Variants in COL1A1 observed in about 807,000 individuals in gnomAD.
COL1A1 encodes the protein collagen alpha-1(I) chain.
Under a neutral mutation model 195.7 loss-of-function variants are expected in COL1A1, and 21 were observed. That is an observed-to-expected ratio of 0.11 (90% CI 0.08 to 0.15). The LOEUF (loss-of-function observed/expected upper bound fraction) is 0.15. Ranked by LOEUF, COL1A1 falls within the 10% of genes least tolerant of loss-of-function variation. COL1A1 has a pLI of 1.00. For missense variants in COL1A1, 1,365 were observed against 2,051.0 expected, an observed-to-expected ratio of 0.67 and a Z score of 6.46; for synonymous variants, 749 against 747.3, an observed-to-expected ratio of 1.00 and a Z score of -0.04.
At chr17:50,200,733 T>C (rs964460712) in intron 1 of COL1A1, among the ~76,000 whole-genome samples, 1 of 152,066 alleles carries the variant, frequency 6.6e-6, no homozygotes, top group Non-Finnish European at 1.5e-5. Context: ...CCCGACTACC[T>C]CTTTAAGAGG....
In COL1A1 at chr17:50,193,947, G is replaced by T. The variant is rs771593907; in HGVS notation, c.1763C>A (p.Ala588Asp). The T allele has an allele frequency of 2.5e-6, 4 of 1,613,878 alleles. No individual in the cohort carries two copies. The highest frequency in any genetic ancestry group is 3.4e-6 in the Non-Finnish European group (4 of 1,179,792). The change falls in exon 25 of 51, where the codon GCT (alanine) becomes GAT (aspartate). Residue 588 changes from alanine (A) to aspartate (D), a missense_variant. Physicochemically the swap from Ala to Asp is moderately radical, Grantham distance 126 (BLOSUM62 -2). Transcript: ENST00000225964. ...GGATCCTCACTTAATACTCACAGCAGCACCTTTAGGTCCAGGGAATCCCAT... is the reference window on the plus strand; with the variant it reads ...GGATCCTCACTTAATACTCACAGCATCACCTTTAGGTCCAGGGAATCCCAT... ...GVMGFPGPKG[A>D]AGEPGKAGER...
rs1906256029 is a variant in COL1A1, at chr17:50,184,266, G to A, written c.*1236C>T. 1 of 231,250 alleles carries A rather than the reference G, an allele frequency of 4.3e-6. No individual in the cohort carries two copies. Among genetic ancestry groups the A allele is most frequent in the South Asian group, 1.8e-4 (1 of 5,522 alleles). The allele number at this position is 231,250 out of a possible 1,614,324, so 14.3% of individuals were successfully genotyped here. On this transcript the variant is annotated 3_prime_UTR_variant, in exon 51 of 51. Transcript: ENST00000225964. ...GTTGTCTCTGAAACCCGGGGACAGA[G>A]GACGCAGGACAGACTAGGAGGGAGC... is the stretch of plus-strand genomic sequence containing the variant.
At chr17:50,199,027 G>GA (rs906186472) in intron 5 of COL1A1, among the ~76,000 whole-genome samples, 199 bp downstream of exon 5, 69 of 150,868 alleles carry the variant, frequency 4.6e-4, no homozygotes, top group Non-Finnish European at 8.0e-4. Context: ...AAACAGTTCA[G>GA]AAAAAAAAAG....
Position 50,189,346 on chromosome 17 carries a change from C to T in COL1A1, c.2829+31G>A, listed in dbSNP as rs751649338. 2.0e-5 allele frequency: 32 copies of T among 1,613,438 alleles called. No individual in the cohort carries two copies. The highest frequency in any genetic ancestry group is 1.0e-4 in the Admixed American group (6 of 59,988). Reference sequence around the variant, plus strand: ...ACCCCTCCCCAGCTCTGCACACCTCCGGAGCTGCAGAGATCTGAGCTGGCA... The same window carrying T: ...ACCCCTCCCCAGCTCTGCACACCTCTGGAGCTGCAGAGATCTGAGCTGGCA... On this transcript the variant is annotated intron_variant, in intron 39 of 50. Transcript: ENST00000225964. The surrounding 1 kb of genome is among the most constrained non-coding windows in gnomAD (Gnocchi z 5.5).
chr17:50,195,745 G>T lies in COL1A1; in HGVS notation c.1057-80C>A. The stretch of plus-strand genomic sequence containing the variant: ...TCTCGGGATGGCAGGAGGAAGGGGA[G>T]ACAGGGACAGGAGAGCAATGATCAG... On this transcript the variant is annotated intron_variant, in intron 16 of 50. Transcript: ENST00000225964. This position sits in a 1 kb window ranked among gnomAD's most constrained non-coding sequence, Gnocchi z 4.3. 1 of 1,434,432 alleles carries T rather than the reference G, an allele frequency of 7.0e-7. No individual in the cohort carries two copies. The highest frequency in any genetic ancestry group is 9.7e-7 in the Non-Finnish European group (1 of 1,031,550). The allele number at this position is 1,434,432 out of a possible 1,614,324, so 88.9% of individuals were successfully genotyped here.
intron 31 of COL1A1, 24 bp downstream of exon 31, chr17:50,191,764 G>A (rs1454049094): frequency 6.4e-6 from 10 of 1,558,074 alleles, no homozygotes; most frequent in Middle Eastern, 1.7e-4. Flanking sequence ...CCACTTGCCA[G>A]AGCCCCTTCC....
Position 50,189,600 on chromosome 17 carries a change from A to G in COL1A1, c.2668-62T>C. On this transcript the variant is annotated intron_variant, in intron 38 of 50. Coordinates refer to ENST00000225964, the MANE Select transcript of COL1A1 (RefSeq NM_000088.4). The surrounding 1 kb of genome is among the most constrained non-coding windows in gnomAD (Gnocchi z 5.5). ...GGCTCTGGTGCATCATTGGGTCCTC[A>G]GTCAGCCCCACCATCCTTCTGGCAG... 6.2e-7 allele frequency: 1 copy of G among 1,611,828 alleles called. No individual in the cohort carries two copies.
chr17:50,193,218 A>C (rs1907257944), intron 25 of COL1A1, among the ~76,000 whole-genome samples, 171 bp from the exon 26 acceptor site: 1 of 151,732 alleles, frequency 6.6e-6, no homozygotes, highest in Admixed American at 6.6e-5. Flanking sequence ...TTCTGAGCCC[A>C]CTCCTCCCAA....
Position 50,189,291 on chromosome 17 carries a change from A to C in COL1A1, c.2830-16T>G, listed in dbSNP as rs752037434. On this transcript the variant is annotated splice_polypyrimidine_tract_variant and intron_variant, in intron 39 of 50. Coordinates refer to ENST00000225964, the MANE Select transcript of COL1A1 (RefSeq NM_000088.4). The surrounding 1 kb of genome is among the most constrained non-coding windows in gnomAD (Gnocchi z 5.5). ...CAGGAGCACCCTTTGGGAGGCAAAC[A>C]GGGGTGAGGTGCCAGAGAGCAGCAC... 3 of 1,613,912 alleles carry C rather than the reference A, an allele frequency of 1.9e-6. No homozygotes were observed. The highest frequency in any genetic ancestry group is 2.5e-6 in the Non-Finnish European group (3 of 1,179,936).
chr17:50,195,944 G>A lies in COL1A1; in HGVS notation c.1035C>T (p.Phe345=). 4 of 1,591,876 alleles carry A rather than the reference G, an allele frequency of 2.5e-6. No homozygotes were observed. Among genetic ancestry groups the A allele is most frequent in the Non-Finnish European group, 3.4e-6 (4 of 1,168,730 alleles). The part of the protein sequence containing the change: ...GPTGPAGPPG[F]PGAVGAKGEA... ...TCACCTTAGCACCAACAGCACCAGG[G>A]AAGCCAGGAGGACCAGCGGGGCCGG... Residue 345 remains phenylalanine (F), a synonymous_variant, in exon 16 of 51, where the codon TTC becomes TTT. Coordinates refer to ENST00000225964, the MANE Select transcript of COL1A1 (RefSeq NM_000088.4). This position sits in a 1 kb window ranked among gnomAD's most constrained non-coding sequence, Gnocchi z 4.3.
At position 50,190,312 on chromosome 17, in the gene COL1A1, G is replaced by A; in HGVS notation, c.2451+15C>T. On this transcript the variant is annotated intron_variant, in intron 35 of 50. Coordinates refer to ENST00000225964, the MANE Select transcript of COL1A1 (RefSeq NM_000088.4). The surrounding 1 kb of genome is among the most constrained non-coding windows in gnomAD (Gnocchi z 4.7). ...CCAGTCGGTGATGAAAAATGATGGG[G>A]GTCTTGGTACTCACAGGGGGGCCAG... 6.4e-7 allele frequency: 1 copy of A among 1,551,472 alleles called. No individual in the cohort carries two copies. The highest frequency in any genetic ancestry group is 8.9e-7 in the Non-Finnish European group (1 of 1,123,524).
rs1021039029 is a variant in COL1A1, at chr17:50,200,456, GC to G, written c.104-510del. 3.4e-4 allele frequency among the ~76,000 whole-genome samples: 51 copies of G among 152,012 alleles called. No homozygotes were observed. In the East Asian group the frequency reaches 8.2e-3, roughly 24 times the overall value. Reference sequence around the variant, plus strand: ...ATGGGAGCGGCTGATTGGAAGGGAGGCCCCCCCAAGACTTGAAATGTACCTC... The same window carrying G: ...ATGGGAGCGGCTGATTGGAAGGGAGGCCCCCCAAGACTTGAAATGTACCTC... On this transcript the variant is annotated intron_variant, in intron 1 of 50. Coordinates refer to ENST00000225964, the MANE Select transcript of COL1A1 (RefSeq NM_000088.4).
intron 1 of COL1A1, among the ~76,000 whole-genome samples, chr17:50,200,599 C>A (rs1907998323): frequency 6.6e-6 from 1 of 152,234 alleles, no homozygotes; most frequent in Admixed American, 6.5e-5. Context: ...GCCAAAGAAC[C>A]AAAAAGTCCG....
At position 50,186,974 on chromosome 17, in the gene COL1A1, G is replaced by A; in HGVS notation, c.3531+41C>T. On this transcript the variant is annotated intron_variant, in intron 47 of 50. Transcript: ENST00000225964. The surrounding 1 kb of genome is among the most constrained non-coding windows in gnomAD (Gnocchi z 5.3). Reference sequence around the variant, plus strand: ...ATTACCGGCATCCAAGTGCTTTGGGGGCTGGAGGGCCATGAGCAGAGGGGA... The same window carrying A: ...ATTACCGGCATCCAAGTGCTTTGGGAGCTGGAGGGCCATGAGCAGAGGGGA... 1 of 1,611,076 alleles carries A rather than the reference G, an allele frequency of 6.2e-7. No individual in the cohort carries two copies. The highest frequency in any genetic ancestry group is 1.1e-5 in the South Asian group (1 of 91,012).
Position 50,199,747 on chromosome 17 carries a change from C to A in COL1A1, c.298+6G>T, listed in dbSNP as rs753705753. On this transcript the variant is annotated splice_donor_region_variant and intron_variant, in intron 2 of 50. Transcript: ENST00000225964. Reference sequence around the variant, plus strand: ...CCCAGGCCCCAGGCCCCGAGCGCAGCCGCACCTGAGCCGTCGGGGCAGACG... The same window carrying A: ...CCCAGGCCCCAGGCCCCGAGCGCAGACGCACCTGAGCCGTCGGGGCAGACG... The A allele has an allele frequency of 8.7e-6, 14 of 1,610,560 alleles. No individual in the cohort carries two copies. The highest frequency in any genetic ancestry group is 2.0e-4 in the Middle Eastern group (1 of 4,916).
rs376238027 is a variant in COL1A1 at position 50,195,059 on chromosome 17, A to T, written c.1341T>A (p.Ala447=). The T allele has an allele frequency of 3.7e-6, 6 of 1,613,588 alleles. No individual in the cohort carries two copies. In the African/African-American group the frequency reaches 6.7e-5, roughly 18 times the overall value. Residue 447 remains alanine, a synonymous_variant, in exon 20 of 51, where the codon GCT becomes GCA. Coordinates refer to ENST00000225964, the MANE Select transcript of COL1A1 (RefSeq NM_000088.4). This position sits in a 1 kb window ranked among gnomAD's most constrained non-coding sequence, Gnocchi z 4.3. ...GAPGSKGDTG[A]KGEPGPVGVQ... ...CGGGGAGACTTACAGGCTCTCCCTTAGCACCAGTGTCTCCTTTGCTGCCAG... is the reference window on the plus strand; with the variant it reads ...CGGGGAGACTTACAGGCTCTCCCTTTGCACCAGTGTCTCCTTTGCTGCCAG...
Position 50,195,969 on chromosome 17 carries a change from G to T in COL1A1, c.1010C>A (p.Thr337Asn). ...GAAGCCAGGAGGACCAGCGGGGCCG[G>T]TGGGACCCTGTGAATGAAATGGAGA... The part of the protein sequence containing the change: ...ATGAAGPPGP[T>N]GPAGPPGFPG... Residue 337 changes from threonine to asparagine, a missense_variant, in exon 16 of 51, where the codon ACC becomes AAC. By Grantham distance (65) the Thr-to-Asn change is moderately conservative (BLOSUM62 0). Around this residue, in one of 5 missense-constraint regions of COL1A1, gnomAD observed 226 missense variants for 372.9 expected, o/e 0.61. Coordinates refer to ENST00000225964, the MANE Select transcript of COL1A1 (RefSeq NM_000088.4). This position sits in a 1 kb window ranked among gnomAD's most constrained non-coding sequence, Gnocchi z 4.3. 1 of 1,594,536 alleles carries T rather than the reference G, an allele frequency of 6.3e-7. No individual in the cohort carries two copies. Among genetic ancestry groups the T allele is most frequent in the Non-Finnish European group, 8.5e-7 (1 of 1,170,228 alleles).
Position 50,184,415 on chromosome 17 carries a change from G to A in COL1A1, c.*1087C>T, listed in dbSNP as rs557843360. 76 of 218,222 alleles carry A rather than the reference G, an allele frequency of 3.5e-4. No homozygotes were observed. The highest frequency in any genetic ancestry group is 5.7e-4 in the Admixed American group (9 of 15,902). The allele number at this position is 218,222 out of a possible 1,614,324, so 13.5% of individuals were successfully genotyped here. Reference sequence around the variant, plus strand: ...GTGAGCAGCGGGCTGGGCTGGAGCCGCACACGCTCTCCTCCCATGTTAAAT... The same window carrying A: ...GTGAGCAGCGGGCTGGGCTGGAGCCACACACGCTCTCCTCCCATGTTAAAT... On this transcript the variant is annotated 3_prime_UTR_variant, in exon 51 of 51. Coordinates refer to ENST00000225964, the MANE Select transcript of COL1A1 (RefSeq NM_000088.4).
In COL1A1 at chr17:50,190,205, G is replaced by A; in HGVS notation, c.2452-97C>T. 7.7e-7 allele frequency: 1 copy of A among 1,290,808 alleles called. No homozygotes were observed. Among genetic ancestry groups the A allele is most frequent in the Non-Finnish European group, 1.1e-6 (1 of 886,670 alleles). 80.0% of individuals were successfully genotyped at this position (1,290,808 alleles called of 1,614,324 possible). A position where few individuals can be genotyped will look rare whatever the true frequency, so the allele number is the denominator to read the frequency against. The stretch of plus-strand genomic sequence containing the variant: ...AATGGAGGCAGGAAGATGCTTGGGT[G>A]GGAAACAATCCCGTCTCCACCCTTC... On this transcript the variant is annotated intron_variant, in intron 35 of 50. Coordinates refer to ENST00000225964, the MANE Select transcript of COL1A1 (RefSeq NM_000088.4). This position sits in a 1 kb window ranked among gnomAD's most constrained non-coding sequence, Gnocchi z 4.7.
Sources: gnomAD v4.1 joint callset for allele counts (sites outside exome capture counted in the v4.1 genomes callset) on GRCh38, gnomAD v4.1.1 for gene constraint, gnomAD v4.1.1 regional missense constraint, Gnocchi (gnomAD v3.1) non-coding constraint, MANE v1.5 for transcripts, NCBI Gene and HGNC (gene_info 2026-07-23, HGNC 2026-07-21) for gene names.